SYT14: variants seen among roughly 807,000 people sequenced by gnomAD.
SYT14 encodes synaptotagmin 14.
Under a neutral mutation model 74.2 loss-of-function variants are expected in SYT14, and 32 were observed. That is an observed-to-expected ratio of 0.43 (90% CI 0.33 to 0.58). SYT14 has a LOEUF of 0.58. Among genes scored for constraint, SYT14 ranks in the 20% least tolerant of loss-of-function variants. The pLI, the probability that SYT14 is intolerant of heterozygous loss-of-function variation, is 0.05. For synonymous variants in SYT14, 298 were observed against 337.7 expected, an observed-to-expected ratio of 0.88 and a Z score of 1.29; for missense variants, 791 against 981.8, an observed-to-expected ratio of 0.81 and a Z score of 2.60.
At chr1:210,066,375 T>C (rs61826852) in intron 5 of SYT14, among the ~76,000 whole-genome samples, 1 of 152,082 alleles carries the variant, frequency 6.6e-6, no homozygotes, top group Non-Finnish European at 1.5e-5. Flanking sequence ...TCTCCACACC[T>C]TCTCCAGCAC....
At chr1:210,076,742 T>A (rs1338143726) in intron 5 of SYT14, among the ~76,000 whole-genome samples, 1 of 150,844 alleles carries the variant, frequency 6.6e-6, no homozygotes, top group Non-Finnish European at 1.5e-5. Context: ...AGAGAGAGAG[T>A]GGGCAAGTGC....
At chr1:210,086,440 G>T (rs1166840594) in intron 5 of SYT14, among the ~76,000 whole-genome samples, 1 of 152,026 alleles carries the variant, frequency 6.6e-6, no homozygotes, top group Non-Finnish European at 1.5e-5. Flanking sequence ...TTTATTTTGA[G>T]CTCAGATGGT....
chr1:210,064,038 T>G (rs2081253586), intron 5 of SYT14, among the ~76,000 whole-genome samples: 1 of 152,030 alleles, frequency 6.6e-6, no homozygotes, highest in Non-Finnish European at 1.5e-5. Context: ...AAGCTGACTT[T>G]TAGTTATCCC....
intron 7 of SYT14, among the ~76,000 whole-genome samples, chr1:210,131,810 TAAAC>T (rs1056439464): frequency 1.2e-4 from 18 of 152,300 alleles, no homozygotes; most frequent in Admixed American, 4.6e-4. Context: ...TTCTTCCATA[TAAAC>T]ATATTCATTC....
At chr1:210,076,748 A>G (rs966606073) in intron 5 of SYT14, among the ~76,000 whole-genome samples, 3 of 152,088 alleles carry the variant, frequency 2.0e-5, no homozygotes, top group Non-Finnish European at 4.4e-5. Flanking sequence ...AGAGTGGGCA[A>G]GTGCTACACA....
chr1:210,112,417 G>GAAGAGGTTAT (rs2082280618), intron 7 of SYT14, among the ~76,000 whole-genome samples: 1 of 151,486 alleles, frequency 6.6e-6, no homozygotes, highest in Non-Finnish European at 1.5e-5. Context: ...AACCTACATG[G>GAAGAGGTTAT]AAGAGGTTAT....
intron 5 of SYT14, among the ~76,000 whole-genome samples, chr1:210,070,918 T>C (rs929778856): frequency 6.5e-5 from 4 of 61,080 alleles, no homozygotes; most frequent in African/African-American, 1.4e-4. Context: ...TAATTTTTTT[T>C]TTTTTTTTTT....
chr1:210,152,203 T>C (rs1331670121), intron 7 of SYT14, among the ~76,000 whole-genome samples: 1 of 152,182 alleles, frequency 6.6e-6, no homozygotes, highest in African/African-American at 2.4e-5. Context: ...GAATATAAAA[T>C]GTGTATTCCT....
chr1:209,938,480 C>A (rs1646612941), intron 1 of SYT14, among the ~76,000 whole-genome samples: 1 of 151,842 alleles, frequency 6.6e-6, no homozygotes, highest in Non-Finnish European at 1.5e-5. Context: ...GACTGGCTCG[C>A]TCGCCCCGGC....
At chr1:209,939,088 C>G (rs1177146259) in intron 1 of SYT14, among the ~76,000 whole-genome samples, 1 of 152,088 alleles carries the variant, frequency 6.6e-6, no homozygotes, top group African/African-American at 2.4e-5. Flanking sequence ...TTCTCTTGTT[C>G]CAGAAACATG....
intron 7 of SYT14, among the ~76,000 whole-genome samples, chr1:210,145,992 A>G (rs2083024854): frequency 6.6e-6 from 1 of 152,152 alleles, no homozygotes; most frequent in South Asian, 2.1e-4. Context: ...TCTACTGCTG[A>G]GTCTCTAAAT....
chr1:210,121,780 C>T (rs1004609746), intron 7 of SYT14, among the ~76,000 whole-genome samples: 3 of 145,752 alleles, frequency 2.1e-5, no homozygotes, highest in Non-Finnish European at 3.0e-5. Flanking sequence ...GGCGACAGAG[C>T]GAGACCCCAT....
intron 2 of SYT14, among the ~76,000 whole-genome samples, chr1:209,974,163 C>T (rs535008723): frequency 6.6e-6 from 1 of 152,054 alleles, no homozygotes; most frequent in South Asian, 2.1e-4. Flanking sequence ...CTGTAGGTTG[C>T]CTGTTCACTC....
At chr1:210,115,226 G>A (rs1397159883) in intron 7 of SYT14, among the ~76,000 whole-genome samples, 2 of 151,384 alleles carry the variant, frequency 1.3e-5, no homozygotes, top group Admixed American at 1.3e-4. Flanking sequence ...TCAGGTGTGA[G>A]TTGAAGAGGT....
At chr1:209,986,012 G>A (rs1183639375) in intron 2 of SYT14, among the ~76,000 whole-genome samples, 1 of 152,150 alleles carries the variant, frequency 6.6e-6, no homozygotes, top group Non-Finnish European at 1.5e-5. Context: ...TGGTTGGAAG[G>A]GCTGCCATGA....
At chr1:209,958,258 C>T (rs1249979413) in intron 2 of SYT14, among the ~76,000 whole-genome samples, 1 of 151,990 alleles carries the variant, frequency 6.6e-6, no homozygotes, top group East Asian at 1.9e-4. Context: ...ATCAATGTAC[C>T]TATTCCCTAA....
chr1:210,040,371 G>T (rs955645499), intron 5 of SYT14, among the ~76,000 whole-genome samples: 11 of 152,044 alleles, frequency 7.2e-5, no homozygotes, highest in African/African-American at 2.7e-4. Context: ...TCTGTCGGGG[G>T]GTGAGGGGCT....
chr1:209,976,776 C>A (rs568867045), intron 2 of SYT14, among the ~76,000 whole-genome samples: 1 of 152,074 alleles, frequency 6.6e-6, no homozygotes, highest in African/African-American at 2.4e-5. Context: ...TTTCTGTCTT[C>A]GTTGATCTGT....
At chr1:210,107,176 C>T (rs1475125264) in intron 7 of SYT14, among the ~76,000 whole-genome samples, 2 of 152,224 alleles carry the variant, frequency 1.3e-5, no homozygotes, top group African/African-American at 4.8e-5. Flanking sequence ...CCTTGGGCAC[C>T]CCTGAAAGGG....
Sources: allele counts gnomAD v4.1 joint callset (sites outside exome capture counted in the v4.1 genomes callset), GRCh38; gene constraint gnomAD v4.1.1; transcripts MANE v1.5; gene names NCBI Gene and HGNC (gene_info 2026-07-23, HGNC 2026-07-21).